Variants in IL1RAPL2 observed in about 807,000 individuals in gnomAD.
IL1RAPL2 encodes the protein interleukin 1 receptor accessory protein like 2, also known as X-linked interleukin-1 receptor accessory protein-like 2.
Under a neutral mutation model 44.1 loss-of-function variants are expected in IL1RAPL2, and 3 were observed. That is an observed-to-expected ratio of 0.07 (90% CI 0.03 to 0.18). The LOEUF (loss-of-function observed/expected upper bound fraction) is 0.18. Ranked by LOEUF, IL1RAPL2 falls within the 10% of genes least tolerant of loss-of-function variation. The probability of loss-of-function intolerance (pLI) is 1.00; values close to 1 mark genes in which losing one functional copy is unlikely to be tolerated. For missense variants in IL1RAPL2, 391 were observed against 496.4 expected, an observed-to-expected ratio of 0.79 and a Z score of 2.02; for synonymous variants, 181 against 178.8, an observed-to-expected ratio of 1.01 and a Z score of -0.10.
intron 9 of IL1RAPL2, among the ~76,000 whole-genome samples, chrX:105,754,693 C>A (rs774026268): frequency 1.2e-4 from 13 of 112,262 alleles, no homozygotes; most frequent in African/African-American, 4.2e-4. Context: ...GTGCTGTGAA[C>A]AGTGTCTCCA....
intron 2 of IL1RAPL2, among the ~76,000 whole-genome samples, chrX:104,905,204 T>C (rs74974173): frequency 3.5e-4 from 39 of 111,945 alleles, no homozygotes; most frequent in Non-Finnish European, 6.0e-4. Context: ...TGGATATTAG[T>C]CCTTTGTCAG....
At chrX:104,686,820 G>A (rs1930996933) in intron 2 of IL1RAPL2, among the ~76,000 whole-genome samples, 1 of 112,135 alleles carries the variant, frequency 8.9e-6, no homozygotes. Context: ...TTCTCAAGGA[G>A]TTGTTAGAGC....
At chrX:105,719,838 T>G (rs1237096168) in intron 7 of IL1RAPL2, among the ~76,000 whole-genome samples, 2 of 111,840 alleles carry the variant, frequency 1.8e-5, no homozygotes, top group Non-Finnish European at 3.8e-5. Flanking sequence ...TCTAAAGTAT[T>G]AATTGCCATT....
chrX:105,507,569 A>AT (rs1308098723), intron 6 of IL1RAPL2, among the ~76,000 whole-genome samples: 9 of 111,004 alleles, frequency 8.1e-5, no homozygotes, highest in Admixed American at 1.9e-4. Context: ...AAGTTGTACT[A>AT]TTTTTTTTAC....
intron 2 of IL1RAPL2, among the ~76,000 whole-genome samples, chrX:104,929,815 G>T (rs1362764693): frequency 9.0e-6 from 1 of 111,456 alleles, no homozygotes; most frequent in African/African-American, 3.3e-5. Context: ...CTTTTTTCAA[G>T]TTTTTCACAT....
chrX:105,053,691 A>G (rs1398320099), intron 2 of IL1RAPL2, among the ~76,000 whole-genome samples: 1 of 112,229 alleles, frequency 8.9e-6, no homozygotes, highest in Non-Finnish European at 1.9e-5. Flanking sequence ...AACAAAACCA[A>G]TTTTACCACA....
At chrX:104,741,926 G>A (rs1040525363) in intron 2 of IL1RAPL2, among the ~76,000 whole-genome samples, 1 of 111,409 alleles carries the variant, frequency 9.0e-6, no homozygotes, top group Non-Finnish European at 1.9e-5. Context: ...CAGCTATCTT[G>A]ATCTACTGAG....
At chrX:105,317,207 C>T (rs2034849603) in intron 5 of IL1RAPL2, among the ~76,000 whole-genome samples, 1 of 111,556 alleles carries the variant, frequency 9.0e-6, no homozygotes, top group South Asian at 3.7e-4. Flanking sequence ...AGGGAAAAAC[C>T]CTTTCTGTGT....
intron 6 of IL1RAPL2, among the ~76,000 whole-genome samples, chrX:105,532,091 C>T (rs1223681065): frequency 8.9e-6 from 1 of 112,015 alleles, no homozygotes; most frequent in East Asian, 2.8e-4. Flanking sequence ...CTTGTCTCAG[C>T]CCTGGAAGGA....
intron 3 of IL1RAPL2, among the ~76,000 whole-genome samples, chrX:105,210,595 TAAA>T (rs377573734): frequency 0.017 from 1,851 of 110,891 alleles, 39 homozygotes; most frequent in African/African-American, 0.056. Flanking sequence ...CCCCCAGAAA[TAAA>T]AAAGCATATG....
chrX:105,578,299 C>G (rs2037065562), intron 6 of IL1RAPL2, among the ~76,000 whole-genome samples: 1 of 110,316 alleles, frequency 9.1e-6, no homozygotes, highest in Non-Finnish European at 1.9e-5. Context: ...AGGAGGGGGT[C>G]ACTTACTGTG....
At chrX:104,813,395 C>G (rs1921045722) in intron 2 of IL1RAPL2, among the ~76,000 whole-genome samples, 1 of 84,476 alleles carries the variant, frequency 1.2e-5, no homozygotes. Context: ...ACACCAGAAG[C>G]ATAAAGATTT....
rs766241699 is a variant in IL1RAPL2 at position 105,001,143 on chromosome X, G to A, written c.83-194332G>A. ...TACCACCACTTGCTTTCCTTATCTT[G>A]TGCCTGACACCCTCTGGAACTGCCA... is the stretch of plus-strand genomic sequence containing the variant. On this transcript the variant is annotated intron_variant, in intron 2 of 10. Coordinates refer to ENST00000372582, the MANE Select transcript of IL1RAPL2 (RefSeq NM_017416.2). 5.4e-5 allele frequency among the ~76,000 whole-genome samples: 6 copies of A among 111,255 alleles called. No individual in the cohort carries two copies. The South Asian group carries it at 1.5e-3, about 28-fold the overall frequency.
chrX:104,804,623 CTT>C (rs1392929515), intron 2 of IL1RAPL2, among the ~76,000 whole-genome samples: 4 of 112,288 alleles, frequency 3.6e-5, no homozygotes, highest in African/African-American at 1.3e-4. Flanking sequence ...CTCAAAGACT[CTT>C]TTTGATGATC....
intron 2 of IL1RAPL2, among the ~76,000 whole-genome samples, chrX:105,007,986 T>A (rs1167474621): frequency 8.7e-6 from 1 of 114,710 alleles, no homozygotes; most frequent in African/African-American, 3.1e-5. Context: ...TACTTACTAT[T>A]GAGAAGAGAA....
intron 2 of IL1RAPL2, among the ~76,000 whole-genome samples, chrX:104,688,464 G>A (rs1353787583): frequency 9.0e-6 from 1 of 110,995 alleles, no homozygotes; most frequent in Non-Finnish European, 1.9e-5. Context: ...GGTTCTATGA[G>A]GGCAGAAATC....
chrX:105,472,501 A>G (rs751915814), intron 5 of IL1RAPL2, among the ~76,000 whole-genome samples: 24 of 111,824 alleles, frequency 2.1e-4, no homozygotes, highest in Non-Finnish European at 4.1e-4. Context: ...AGTTGGACTT[A>G]ATGAGATAAT....
At chrX:105,246,824 A>G (rs1228576764) in intron 4 of IL1RAPL2, among the ~76,000 whole-genome samples, 4 of 111,598 alleles carry the variant, frequency 3.6e-5, no homozygotes, top group Non-Finnish European at 1.9e-5. Context: ...TTTAAATTTT[A>G]CAAATCTTTT....
At chrX:105,378,092 A>G (rs2035401720) in intron 5 of IL1RAPL2, among the ~76,000 whole-genome samples, 1 of 112,101 alleles carries the variant, frequency 8.9e-6, no homozygotes, top group Non-Finnish European at 1.9e-5. Flanking sequence ...ATACAGTAGC[A>G]TAACTACTCT....
Sources: allele counts gnomAD v4.1 joint callset (sites outside exome capture counted in the v4.1 genomes callset), GRCh38; gene constraint gnomAD v4.1.1; transcripts MANE v1.5; gene names NCBI Gene and HGNC (gene_info 2026-07-23, HGNC 2026-07-21).